Variants in CIBAR1 observed in about 807,000 individuals in gnomAD.
CIBAR1 encodes CBY1 interacting BAR domain containing 1.
In CIBAR1, 25 loss-of-function variants were observed where a neutral mutation model predicts 44.0. The ratio of observed to expected loss-of-function variants is 0.57; its 90% CI spans 0.41 to 0.79. The LOEUF (loss-of-function observed/expected upper bound fraction) is 0.79. Among genes scored for constraint, CIBAR1 ranks in the 30% least tolerant of loss-of-function variants. The pLI, the probability that CIBAR1 is intolerant of heterozygous loss-of-function variation, is 0.00. For synonymous variants in CIBAR1, 115 were observed against 119.0 expected, an observed-to-expected ratio of 0.97 and a Z score of 0.22; for missense variants, 278 against 344.8, an observed-to-expected ratio of 0.81 and a Z score of 1.53.
intron 1 of CIBAR1, chr8:93,700,951 C>T (rs1277898619): frequency 3.6e-6 from 5 of 1,372,430 alleles, no homozygotes; most frequent in Non-Finnish European, 4.7e-6. Flanking sequence ...GGCAGCCGGG[C>T]GCCCAGGCCG....
At chr8:93,703,151 A>T (rs989810053) in intron 2 of CIBAR1, among the ~76,000 whole-genome samples, 1 of 152,216 alleles carries the variant, frequency 6.6e-6, no homozygotes, top group African/African-American at 2.4e-5. Flanking sequence ...AGAAAAAAAA[A>T]TGCAGCAAAT....
intron 6 of CIBAR1, among the ~76,000 whole-genome samples, chr8:93,712,464 G>A (rs191076887): frequency 1.3e-5 from 2 of 152,236 alleles, no homozygotes; most frequent in East Asian, 3.9e-4. Context: ...CATTTCGGTG[G>A]TTTCCACCTT....
intron 4 of CIBAR1, chr8:93,705,931 C>G (rs1229910755): frequency 2.0e-5 from 3 of 149,784 alleles, no homozygotes; most frequent in Non-Finnish European, 4.4e-5. Context: ...GCCTGGAAAA[C>G]AAAGCGAGAC....
At chr8:93,716,949 T>A (rs1244119051) in intron 6 of CIBAR1, among the ~76,000 whole-genome samples, 10 of 152,192 alleles carry the variant, frequency 6.6e-5, no homozygotes, top group Admixed American at 6.5e-4. Context: ...TCGTTAAAGA[T>A]CTCTTTTGTT....
At position 93,731,218 on chromosome 8, in the gene CIBAR1, A is replaced by C. The variant is rs1169901736; in HGVS notation, c.*2921A>C. The stretch of plus-strand genomic sequence containing the variant: ...TCTAGCTGGCCTCTTATCTACCACC[A>C]CCATCCCACCTCAGCCCAGTTTGAA... On this transcript the variant is annotated 3_prime_UTR_variant, in exon 9 of 9. Transcript: ENST00000518322. 6.6e-6 allele frequency: 1 copy of C among 152,188 alleles called. No homozygotes were observed. Among genetic ancestry groups the C allele is most frequent in the Non-Finnish European group, 1.5e-5 (1 of 68,022 alleles). 9.4% of individuals were successfully genotyped at this position (152,188 alleles called of 1,614,324 possible). A position where few individuals can be genotyped will look rare whatever the true frequency, so the allele number is the denominator to read the frequency against.
rs913518467 is a variant in CIBAR1 at position 93,700,614 on chromosome 8, C to T, written c.-34C>T. ...GCGCCTTGGAATCCCCGTCCTTGGG[C>T]CCCCGCAAGGTCCCCGGCCGTGCGC... On this transcript the variant is annotated 5_prime_UTR_variant, in exon 1 of 9. Coordinates refer to ENST00000518322, the MANE Select transcript of CIBAR1 (RefSeq NM_145269.5). The T allele has an allele frequency of 1.5e-5, 22 of 1,480,818 alleles. No homozygotes were observed. Among genetic ancestry groups the T allele is most frequent in the Non-Finnish European group, 1.9e-5 (21 of 1,115,594 alleles). 91.7% of individuals were successfully genotyped at this position (1,480,818 alleles called of 1,614,324 possible).
intron 6 of CIBAR1, among the ~76,000 whole-genome samples, chr8:93,717,345 C>G (rs990305354): frequency 2.0e-5 from 3 of 152,180 alleles, no homozygotes; most frequent in African/African-American, 7.2e-5. Flanking sequence ...TCCTGGGTAT[C>G]TAGAGATACT....
At chr8:93,710,143 GGC>G in intron 6 of CIBAR1, among the ~76,000 whole-genome samples, 1 of 152,010 alleles carries the variant, frequency 6.6e-6, no homozygotes, top group Admixed American at 6.5e-5. Flanking sequence ...CAGGTGTGGT[GGC>G]ACATGCTTGT....
At position 93,729,192 on chromosome 8, in the gene CIBAR1, G is replaced by C. The variant is rs182999295; in HGVS notation, c.*895G>C. Reference sequence around the variant, plus strand: ...GTTACGGAATTTATAAAATCATTTGGGATAATTAGAAAATGCAATTATTCA... The same window carrying C: ...GTTACGGAATTTATAAAATCATTTGCGATAATTAGAAAATGCAATTATTCA... On this transcript the variant is annotated 3_prime_UTR_variant, in exon 9 of 9. Transcript: ENST00000518322. The C allele has an allele frequency of 2.6e-5, 4 of 151,876 alleles. No homozygotes were observed. The highest frequency in any genetic ancestry group is 5.9e-5 in the Non-Finnish European group (4 of 67,914). The allele number at this position is 151,876 out of a possible 1,614,324, so 9.4% of individuals were successfully genotyped here.
chr8:93,716,645 A>G (rs938168586), intron 6 of CIBAR1, among the ~76,000 whole-genome samples: 8 of 151,968 alleles, frequency 5.3e-5, no homozygotes, highest in African/African-American at 1.7e-4. Context: ...TGCCACCTCT[A>G]AGTTTTCTTT....
At chr8:93,710,847 A>AAG (rs1810796064) in intron 6 of CIBAR1, among the ~76,000 whole-genome samples, 1 of 151,840 alleles carries the variant, frequency 6.6e-6, no homozygotes, top group East Asian at 1.9e-4. Flanking sequence ...AAAAAAAAAA[A>AAG]AAAAAGAAAT....
At chr8:93,725,196 T>C (rs1811434263) in intron 7 of CIBAR1, among the ~76,000 whole-genome samples, 1 of 152,160 alleles carries the variant, frequency 6.6e-6, no homozygotes, top group Non-Finnish European at 1.5e-5. Flanking sequence ...TTGCCCAGGC[T>C]GATCTCAAAC....
Position 93,707,993 on chromosome 8 carries a change from C to G in CIBAR1, c.433-18C>G. The G allele has an allele frequency of 6.5e-7, 1 of 1,544,642 alleles. No homozygotes were observed. Among genetic ancestry groups the G allele is most frequent in the South Asian group, 1.2e-5 (1 of 83,066 alleles). On this transcript the variant is annotated intron_variant, in intron 4 of 8. Coordinates refer to ENST00000518322, the MANE Select transcript of CIBAR1 (RefSeq NM_145269.5). ...TACTCTCTTTGAAATGTATTTTTTC[C>G]TTTATGAAAAATTTCAGTCACAGGT...
At chr8:93,726,245 G>C (rs1316775241) in intron 7 of CIBAR1, 149 bp from the exon 8 acceptor site, 3 of 646,858 alleles carry the variant, frequency 4.6e-6, no homozygotes, top group Non-Finnish European at 7.5e-6. Context: ...TATTTTTGTT[G>C]TCTTTTCTTT....
intron 1 of CIBAR1, 179 bp downstream of exon 1, chr8:93,700,852 G>A (rs1284370687): frequency 2.3e-6 from 3 of 1,311,300 alleles, no homozygotes; most frequent in African/African-American, 1.5e-5. Flanking sequence ...CGGCGGCGAA[G>A]AGGAGCCCGG....
intron 4 of CIBAR1, chr8:93,706,264 C>T (rs968175148): frequency 1.1e-4 from 17 of 152,198 alleles, no homozygotes; most frequent in African/African-American, 4.1e-4. Flanking sequence ...CCACTGGAGA[C>T]TGGGACAGAA....
chr8:93,709,697 T>A, intron 5 of CIBAR1, 74 bp from the exon 6 acceptor site: 1 of 1,258,266 alleles, frequency 7.9e-7, no homozygotes. Flanking sequence ...AATGGTAGAA[T>A]TTACCAGTAG....
chr8:93,702,285 G>A (rs976811291), intron 2 of CIBAR1: 14 of 421,202 alleles, frequency 3.3e-5, no homozygotes, highest in African/African-American at 2.9e-4. Context: ...TTGGAAAAAT[G>A]TGGAGTTCTT....
At chr8:93,727,071 G>A in intron 8 of CIBAR1, 1 of 583,468 alleles carries the variant, frequency 1.7e-6, no homozygotes, top group Non-Finnish European at 2.9e-6. Context: ...AATAACAACT[G>A]TTAAGTAACA....
Sources: allele counts gnomAD v4.1 joint callset (sites outside exome capture counted in the v4.1 genomes callset), GRCh38; gene constraint gnomAD v4.1.1; transcripts MANE v1.5; gene names NCBI Gene and HGNC (gene_info 2026-07-23, HGNC 2026-07-21).